The following TAF4B variants were observed in gnomAD, a reference collection of about 807,000 sequenced individuals.
TAF4B encodes TATA-box binding protein associated factor 4b.
In TAF4B, 38 loss-of-function variants were observed where a neutral mutation model predicts 86.4. That is an observed-to-expected ratio of 0.44 (90% CI 0.34 to 0.58). The LOEUF is 0.58. Ranked by LOEUF, TAF4B falls within the 20% of genes least tolerant of loss-of-function variation. The pLI is 0.02. For missense variants in TAF4B, 988 were observed against 1,027.6 expected (o/e 0.96, Z 0.53); for synonymous variants, 388 against 391.2 (o/e 0.99, Z 0.10).
chr18:26,291,291 C>T (rs1010668728), intron 7 of TAF4B, among the ~76,000 whole-genome samples: 3 of 151,982 alleles, frequency 2.0e-5, no homozygotes, highest in African/African-American at 7.3e-5. Flanking sequence ...GACAGGGTCT[C>T]ACTCTGTCAC....
chr18:26,303,294 A>G (rs1331009471), intron 9 of TAF4B, among the ~76,000 whole-genome samples: 3 of 119,730 alleles, frequency 2.5e-5, no homozygotes, highest in African/African-American at 9.8e-5. Flanking sequence ...CTCCGCTTTC[A>G]TACCCCCTCC....
At chr18:26,261,792 G>A (rs2056171669) in intron 1 of TAF4B, among the ~76,000 whole-genome samples, 1 of 152,182 alleles carries the variant, frequency 6.6e-6, no homozygotes, top group East Asian at 1.9e-4. Flanking sequence ...TTATGGTTTA[G>A]CTTGTATCTC....
At chr18:26,327,435 A>T (rs962033358) in intron 12 of TAF4B, among the ~76,000 whole-genome samples, 2 of 152,214 alleles carry the variant, frequency 1.3e-5, no homozygotes, top group African/African-American at 4.8e-5. Flanking sequence ...ATCCAATTTG[A>T]TACATGCCAA....
At chr18:26,319,336 A>AC (rs1297325206) in intron 10 of TAF4B, among the ~76,000 whole-genome samples, 2 of 151,558 alleles carry the variant, frequency 1.3e-5, no homozygotes, top group African/African-American at 2.4e-5. Flanking sequence ...TACTAAAAAT[A>AC]CAAAAAAAAA....
chr18:26,305,821 A>T (rs879286591), intron 9 of TAF4B, among the ~76,000 whole-genome samples: 1 of 152,068 alleles, frequency 6.6e-6, no homozygotes, highest in African/African-American at 2.4e-5. Context: ...TCTCTCGTGC[A>T]TGAATTTTAG....
intron 14 of TAF4B, among the ~76,000 whole-genome samples, chr18:26,371,165 A>T (rs999335333): frequency 1.3e-5 from 2 of 152,226 alleles, no homozygotes; most frequent in African/African-American, 4.8e-5. Context: ...ATAAGAAGCT[A>T]CTTCATTTAA....
At chr18:26,318,283 T>C (rs2056931427) in intron 10 of TAF4B, among the ~76,000 whole-genome samples, 1 of 152,134 alleles carries the variant, frequency 6.6e-6, no homozygotes, top group Non-Finnish European at 1.5e-5. Context: ...CATTTTCAGT[T>C]CTTAGTGATG....
At chr18:26,297,211 C>A (rs1585676) in intron 9 of TAF4B, among the ~76,000 whole-genome samples, 53,920 of 151,020 alleles carry the variant, frequency 0.36, 11,727 homozygotes, top group East Asian at 0.81. Flanking sequence ...CAGTTCAAAG[C>A]ATACACACAG....
chr18:26,363,842 GA>G (rs1273076149), intron 14 of TAF4B, among the ~76,000 whole-genome samples: 1 of 152,132 alleles, frequency 6.6e-6, no homozygotes, highest in East Asian at 1.9e-4. Context: ...AGAGAAGTGG[GA>G]GTAGAATCTA....
At chr18:26,385,912 G>A (rs1978341086) in intron 14 of TAF4B, among the ~76,000 whole-genome samples, 1 of 152,150 alleles carries the variant, frequency 6.6e-6, no homozygotes, top group Non-Finnish European at 1.5e-5. Context: ...ATAACTGAGA[G>A]TAGCTGGTTA....
chr18:26,289,030 G>A (rs2056560450), intron 7 of TAF4B, among the ~76,000 whole-genome samples: 1 of 152,148 alleles, frequency 6.6e-6, no homozygotes, highest in Non-Finnish European at 1.5e-5. Flanking sequence ...AGCCAGAGTG[G>A]CCAGACCCTG....
chr18:26,291,682 G>T (rs2056594833), intron 7 of TAF4B, among the ~76,000 whole-genome samples: 1 of 147,232 alleles, frequency 6.8e-6, no homozygotes, highest in East Asian at 2.1e-4. Context: ...ACTCTAGCCT[G>T]GGTGACAGAG....
At chr18:26,316,706 G>A (rs895604340) in intron 10 of TAF4B, among the ~76,000 whole-genome samples, 1 of 152,104 alleles carries the variant, frequency 6.6e-6, no homozygotes, top group Non-Finnish European at 1.5e-5. Flanking sequence ...TTTAAATCGA[G>A]AATACATTAT....
intron 11 of TAF4B, among the ~76,000 whole-genome samples, chr18:26,323,707 T>A (rs1201402348): frequency 6.6e-6 from 1 of 152,170 alleles, no homozygotes; most frequent in African/African-American, 2.4e-5. Flanking sequence ...CTTGTTTGTC[T>A]CTTTTAAGGG....
At chr18:26,346,149 C>G (rs992133151) in intron 13 of TAF4B, among the ~76,000 whole-genome samples, 2 of 149,766 alleles carry the variant, frequency 1.3e-5, no homozygotes, top group Non-Finnish European at 2.9e-5. Flanking sequence ...AATGAGAAAT[C>G]TAATAATGAG....
intron 6 of TAF4B, among the ~76,000 whole-genome samples, chr18:26,284,849 A>G (rs1487287149): frequency 6.6e-6 from 1 of 152,228 alleles, no homozygotes; most frequent in Admixed American, 6.5e-5. Flanking sequence ...AGCCTGGGCA[A>G]CAGAGTGAGA....
At chr18:26,344,543 G>T (rs902920661) in intron 13 of TAF4B, among the ~76,000 whole-genome samples, 1 of 152,160 alleles carries the variant, frequency 6.6e-6, no homozygotes, top group Admixed American at 6.5e-5. Context: ...CAGAGTTGCT[G>T]TAAGACTATT....
At position 26,286,412 on chromosome 18, in the gene TAF4B, G is replaced by T; in HGVS notation, c.1503G>T (p.Gly501=). The part of the protein sequence containing the change: ...AGTTSDKPVI[G]TPVQIKLAQP... ...CCACATCTGACAAGCCTGTTATTGG[G>T]ACTCCAGTTCAAATCAAACTTGCCC... The change falls in exon 7 of 15, where the codon GGG becomes GGT. Residue 501 remains glycine (G), a synonymous_variant. Transcript: ENST00000269142. 1 of 1,614,162 alleles carries T rather than the reference G, an allele frequency of 6.2e-7. No individual in the cohort carries two copies. Among genetic ancestry groups the T allele is most frequent in the African/African-American group, 1.3e-5 (1 of 75,032 alleles).
intron 13 of TAF4B, among the ~76,000 whole-genome samples, chr18:26,353,024 AG>A (rs1322580248): frequency 6.6e-6 from 1 of 152,226 alleles, no homozygotes; most frequent in Non-Finnish European, 1.5e-5. Context: ...ACTTCTACAC[AG>A]CCTCTTCCAG....
Sources: gnomAD v4.1 joint callset for allele counts (sites outside exome capture counted in the v4.1 genomes callset) on GRCh38, gnomAD v4.1.1 for gene constraint, MANE v1.5 for transcripts, NCBI Gene and HGNC (gene_info 2026-07-23, HGNC 2026-07-21) for gene names.